MUCL1: variants seen among roughly 807,000 people sequenced by gnomAD.
MUCL1 encodes the protein mucin-like protein 1.
A neutral mutation model predicts 9.2 loss-of-function variants in MUCL1; 11 were observed. That is an observed-to-expected ratio of 1.19 (90% CI 0.75 to 1.97). The LOEUF (loss-of-function observed/expected upper bound fraction) is 1.97. MUCL1 is among the 30% of genes most tolerant of loss of function. MUCL1 has a pLI of 0.00. For missense variants in MUCL1, 144 were observed against 110.9 expected (o/e 1.30, Z -1.34); for synonymous variants, 48 against 40.5 (o/e 1.19, Z -0.71).
intron 1 of MUCL1, among the ~76,000 whole-genome samples, chr12:54,844,522 C>G (rs186911335): frequency 1.8e-4 from 27 of 152,288 alleles, no homozygotes; most frequent in African/African-American, 6.0e-4. Flanking sequence ...CTCTCTCTAA[C>G]TTGTGATGTG....
chr12:54,851,252 G>A (rs1959334710), upstream of MUCL1, among the ~76,000 whole-genome samples: 1 of 152,052 alleles, frequency 6.6e-6, no homozygotes. Flanking sequence ...TGTCCTGAAT[G>A]GTATTGCCTA....
chr12:54,850,075 T>C (rs1456586562), upstream of MUCL1, among the ~76,000 whole-genome samples: 1 of 152,210 alleles, frequency 6.6e-6, no homozygotes, highest in Non-Finnish European at 1.5e-5. Flanking sequence ...AATATCAGCT[T>C]CAGGGAGGAG....
In MUCL1 at chr12:54,855,375, G is replaced by A. The variant is rs938551535; in HGVS notation, c.100+218G>A. On this transcript the variant is annotated intron_variant, in intron 2 of 3. Transcript: ENST00000308796. ...TAGAATATATGAAATCTAGGCCATA[G>A]ACTTATACAAATGTGGACTTATTAT... 1.3e-4 allele frequency: 70 copies of A among 551,118 alleles called. 1 individual carries two copies. Among genetic ancestry groups the A allele is most frequent in the Admixed American group, 1.2e-4 (4 of 32,760 alleles). The allele number at this position is 551,118 out of a possible 1,614,324, so 34.1% of individuals were successfully genotyped here. A position where few individuals can be genotyped will look rare whatever the true frequency, so the allele number is the denominator to read the frequency against.
chr12:54,838,188 A>T (rs76488861), upstream of MUCL1, among the ~76,000 whole-genome samples: 5 of 152,174 alleles, frequency 3.3e-5, no homozygotes, highest in Admixed American at 1.3e-4. Flanking sequence ...CATTTATAAA[A>T]CTTAGTTTTG....
intron 1 of MUCL1, among the ~76,000 whole-genome samples, chr12:54,840,735 G>A (rs752581491): frequency 1.3e-5 from 2 of 152,156 alleles, no homozygotes; most frequent in Admixed American, 6.5e-5. Flanking sequence ...CTGGCTGCTG[G>A]CATAATGTTC....
rs753053136 is a variant in MUCL1, at chr12:54,858,176, A to AT, written c.224-10dup. The AT allele has an allele frequency of 4.3e-6, 7 of 1,612,856 alleles. No individual in the cohort carries two copies. Among genetic ancestry groups the AT allele is most frequent in the Admixed American group, 1.7e-5 (1 of 59,878 alleles). ...TCCTTTGTCGAAGCCCCTTGACAAT[A>AT]TTTTTTTCTCTTGCAGTTTTACCCA... On this transcript the variant is annotated splice_polypyrimidine_tract_variant and intron_variant, in intron 3 of 3. Transcript: ENST00000308796.
upstream of MUCL1, among the ~76,000 whole-genome samples, chr12:54,854,090 T>C (rs1868278401): frequency 6.6e-6 from 1 of 152,166 alleles, no homozygotes; most frequent in Non-Finnish European, 1.5e-5. Context: ...GGATGGTCTT[T>C]GGATCAGGCT....
chr12:54,834,579 T>G (rs1267374985), upstream of MUCL1, among the ~76,000 whole-genome samples: 1 of 152,104 alleles, frequency 6.6e-6, no homozygotes, highest in Non-Finnish European at 1.5e-5. Context: ...TAGCATAACA[T>G]TCTCTTTACA....
upstream of MUCL1, among the ~76,000 whole-genome samples, chr12:54,835,201 C>T (rs1416352939): frequency 6.6e-6 from 1 of 152,094 alleles, no homozygotes; most frequent in Non-Finnish European, 1.5e-5. Flanking sequence ...ATGTTGAATT[C>T]TGCTATGATA....
intron 2 of MUCL1, among the ~76,000 whole-genome samples, 153 bp from the exon 3 acceptor site, chr12:54,856,617 G>A (rs772195132): frequency 2.0e-5 from 3 of 152,192 alleles, no homozygotes; most frequent in Non-Finnish European, 4.4e-5. Flanking sequence ...TGAAGCACAA[G>A]GAAAGTAGGC....
chr12:54,858,346 T>C lies in MUCL1; in HGVS notation c.*104T>C. 1 of 1,351,530 alleles carries C rather than the reference T, an allele frequency of 7.4e-7. No homozygotes were observed. The highest frequency in any genetic ancestry group is 1.1e-6 in the Non-Finnish European group (1 of 950,392). The allele number at this position is 1,351,530 out of a possible 1,614,324, so 83.7% of individuals were successfully genotyped here. ...CCTACGATATCCCCTTTATCTCTAA[T>C]CAGTTTATTTTCTTTCAAATAAAAA... On this transcript the variant is annotated 3_prime_UTR_variant, in exon 4 of 4. Transcript: ENST00000308796.
chr12:54,850,814 A>G (rs532288986), upstream of MUCL1, among the ~76,000 whole-genome samples: 27 of 152,284 alleles, frequency 1.8e-4, no homozygotes, highest in African/African-American at 6.3e-4. Flanking sequence ...CATCCTCTCC[A>G]GTACCTGTTG....
upstream of MUCL1, among the ~76,000 whole-genome samples, chr12:54,849,857 C>A (rs1052938567): frequency 2.0e-5 from 3 of 152,130 alleles, no homozygotes; most frequent in Non-Finnish European, 2.9e-5. Context: ...ATAATATTAT[C>A]AAAATCCAAT....
chr12:54,855,387 T>C, intron 2 of MUCL1: 1 of 518,160 alleles, frequency 1.9e-6, no homozygotes, highest in Non-Finnish European at 3.5e-6. Context: ...CTTATACAAA[T>C]GTGGACTTAT....
At chr12:54,857,222 A>G (rs1450973972) in intron 3 of MUCL1, among the ~76,000 whole-genome samples, 2 of 140,492 alleles carry the variant, frequency 1.4e-5, no homozygotes. Flanking sequence ...TTATTTTTTT[A>G]AATCAGGTAG....
At chr12:54,850,247 G>T (rs1023500281), upstream of MUCL1, among the ~76,000 whole-genome samples, 1 of 151,772 alleles carries the variant, frequency 6.6e-6, no homozygotes, top group Non-Finnish European at 1.5e-5. Context: ...GCCATGTTGG[G>T]GTGCTGCACC....
upstream of MUCL1, among the ~76,000 whole-genome samples, chr12:54,853,075 G>A (rs957767842): frequency 3.3e-5 from 5 of 152,010 alleles, no homozygotes; most frequent in Admixed American, 6.6e-5. Flanking sequence ...CATGTTTTGG[G>A]GAGTAGACTG....
intron 1 of MUCL1, among the ~76,000 whole-genome samples, chr12:54,848,685 C>T (rs1366288271): frequency 6.6e-6 from 1 of 152,174 alleles, no homozygotes; most frequent in Non-Finnish European, 1.5e-5. Flanking sequence ...CCCAAACTTA[C>T]TGCATTCAGG....
intron 1 of MUCL1, among the ~76,000 whole-genome samples, chr12:54,846,598 A>G (rs958482186): frequency 6.6e-6 from 1 of 152,182 alleles, no homozygotes; most frequent in South Asian, 2.1e-4. Flanking sequence ...GGGATGAGCC[A>G]TGACTGGGGA....
Sources: gnomAD v4.1 joint callset for allele counts (sites outside exome capture counted in the v4.1 genomes callset) on GRCh38, gnomAD v4.1.1 for gene constraint, MANE v1.5 for transcripts, NCBI Gene and HGNC (gene_info 2026-07-23, HGNC 2026-07-21) for gene names.